Variants in PLXNA2 observed in about 807,000 individuals in gnomAD.
PLXNA2 encodes the protein plexin A2.
A neutral mutation model predicts 193.5 loss-of-function variants in PLXNA2; 91 were observed. That is an observed-to-expected ratio of 0.47 (90% CI 0.40 to 0.56). The LOEUF is 0.56. Among genes scored for constraint, PLXNA2 ranks in the 20% least tolerant of loss-of-function variants. The pLI is 0.00. For synonymous variants in PLXNA2, 997 were observed against 1,027.3 expected (o/e 0.97, Z 0.56); for missense variants, 1,995 against 2,503.2 (o/e 0.80, Z 4.33).
rs187221360 is a variant in PLXNA2, at chr1:208,234,236, G to A, written c.-81+9407C>T. On this transcript the variant is annotated intron_variant, in intron 1 of 31. Coordinates refer to ENST00000367033, the MANE Select transcript of PLXNA2 (RefSeq NM_025179.4). The stretch of plus-strand genomic sequence containing the variant: ...ATACACTTACCCAGTTTGGACTTGG[G>A]TTTCACATCCACTGTGTGGGCCCGG... Among the ~76,000 whole-genome samples, 19 of 152,256 alleles carry A rather than the reference G, an allele frequency of 1.2e-4. No homozygotes were observed. In the East Asian group the frequency reaches 3.7e-3, roughly 29 times the overall value.
Position 208,098,960 on chromosome 1 carries a change from G to A in PLXNA2, c.1617C>T (p.Arg539=), listed in dbSNP as rs758540212. 38 of 1,611,972 alleles carry A rather than the reference G, an allele frequency of 2.4e-5. No individual in the cohort carries two copies. The highest frequency in any genetic ancestry group is 3.7e-4 in the Middle Eastern group (2 of 5,428). The part of the protein sequence containing the change: ...GWCALHNMCS[R]RDKCQQAWEP... ...CCCAGGCCTGTTGGCATTTGTCCCT[G>A]CGGGAGCACCTGCCATAAACACAGA... The change falls in exon 6 of 32, where the codon CGC becomes CGT. Residue 539 remains arginine, a synonymous_variant. Transcript: ENST00000367033.
intron 3 of PLXNA2, among the ~76,000 whole-genome samples, chr1:208,156,937 C>T (rs754916332): frequency 1.3e-5 from 2 of 152,182 alleles, no homozygotes; most frequent in Non-Finnish European, 2.9e-5. Flanking sequence ...TTTGTTACTC[C>T]ATAAGAATAA....
chr1:208,084,327 C>A, intron 10 of PLXNA2, 53 bp downstream of exon 10: 1 of 1,581,404 alleles, frequency 6.3e-7, no homozygotes, highest in South Asian at 1.1e-5. Context: ...GGCCCCAGCA[C>A]GAGTGTGAGA....
Position 208,044,950 on chromosome 1 carries a change from G to C in PLXNA2, c.3639+117C>G, listed in dbSNP as rs1333003172. 3.2e-6 allele frequency: 4 copies of C among 1,245,532 alleles called. No individual in the cohort carries two copies. The highest frequency in any genetic ancestry group is 4.6e-6 in the Non-Finnish European group (4 of 863,864). 77.2% of individuals were successfully genotyped at this position (1,245,532 alleles called of 1,614,324 possible). A position where few individuals can be genotyped will look rare whatever the true frequency, so the allele number is the denominator to read the frequency against. On this transcript the variant is annotated intron_variant, in intron 19 of 31. Transcript: ENST00000367033. The surrounding 1 kb of genome is among the most constrained non-coding windows in gnomAD (Gnocchi z 4.9). ...CCAATTTGATGTAGGACCCAGAGAT[G>C]AGGAGATATGGAGGGGGTGAGTCAG...
chr1:208,066,815 G>A (rs1189169645), intron 12 of PLXNA2, among the ~76,000 whole-genome samples: 7 of 152,292 alleles, frequency 4.6e-5, no homozygotes, highest in Admixed American at 1.3e-4. Flanking sequence ...GGAAGACAGT[G>A]ATATGGATGA....
At chr1:208,172,716 G>GAGGGC (rs1669532127) in intron 3 of PLXNA2, among the ~76,000 whole-genome samples, 1 of 152,230 alleles carries the variant, frequency 6.6e-6, no homozygotes, top group African/African-American at 2.4e-5. Flanking sequence ...TGGCAGAAGG[G>GAGGGC]AGGGCTGAGA....
At chr1:208,063,900 C>G (rs1665696999) in intron 12 of PLXNA2, among the ~76,000 whole-genome samples, 1 of 152,174 alleles carries the variant, frequency 6.6e-6, no homozygotes, top group African/African-American at 2.4e-5. Context: ...CTCTCCTGAG[C>G]TCCACAGCCA....
rs139151743 is a variant in PLXNA2 at position 208,082,449 on chromosome 1, G to A, written c.2358C>T (p.Asn786=). 4.6e-5 allele frequency: 74 copies of A among 1,613,940 alleles called. No individual in the cohort carries two copies. In the African/African-American group the frequency reaches 5.3e-4, roughly 12 times the overall value. Residue 786 remains asparagine (N), a synonymous_variant, in exon 11 of 32, where the codon AAC becomes AAT. Coordinates refer to ENST00000367033, the MANE Select transcript of PLXNA2 (RefSeq NM_025179.4). This position sits in a 1 kb window ranked among gnomAD's most constrained non-coding sequence, Gnocchi z 4.2. ...NLAVDFAVVW[N]GNFIIDNPQD... Reference sequence around the variant, plus strand: ...GAGGGTTGTCAATGATGAAATTGCCGTTCCACACCACAGCGAAATCCACGG... The same window carrying A: ...GAGGGTTGTCAATGATGAAATTGCCATTCCACACCACAGCGAAATCCACGG...
In PLXNA2 at chr1:208,141,003, T is replaced by C. The variant is rs148524561; in HGVS notation, c.1506+1326A>G. Reference sequence around the variant, plus strand: ...TCAGTGTTTATTTCCAAGACTGTCTTACCCACTCTAGGTTAGGCAAAGCTG... The same window carrying C: ...TCAGTGTTTATTTCCAAGACTGTCTCACCCACTCTAGGTTAGGCAAAGCTG... On this transcript the variant is annotated intron_variant, in intron 4 of 31. Coordinates refer to ENST00000367033, the MANE Select transcript of PLXNA2 (RefSeq NM_025179.4). Among the ~76,000 whole-genome samples the C allele has an allele frequency of 1.6e-3, 248 of 152,298 alleles. 1 individual carries two copies. Among genetic ancestry groups the C allele is most frequent in the South Asian group, 0.014 (70 of 4,830 alleles).
chr1:208,039,488 T>G (rs1020179500), intron 24 of PLXNA2, 133 bp downstream of exon 24: 1 of 1,243,598 alleles, frequency 8.0e-7, no homozygotes, highest in Non-Finnish European at 1.1e-6. Context: ...CACTTAGTTG[T>G]CCTTTGGGCT....
chr1:208,168,724 G>GTTTTTTTTT (rs10668701), intron 3 of PLXNA2, among the ~76,000 whole-genome samples: 4 of 73,190 alleles, frequency 5.5e-5, no homozygotes, highest in Admixed American at 1.8e-4. Flanking sequence ...AGTATGCGGG[G>GTTTTTTTTT]TTTTTTTTTT....
chr1:208,164,165 G>C (rs1250351495), intron 3 of PLXNA2, among the ~76,000 whole-genome samples: 1 of 152,210 alleles, frequency 6.6e-6, no homozygotes, highest in African/African-American at 2.4e-5. Context: ...TTTGGTTAGG[G>C]GACACCTTTA....
intron 17 of PLXNA2, 37 bp from the exon 18 acceptor site, chr1:208,046,154 G>C (rs376035089): frequency 1.6e-5 from 25 of 1,593,640 alleles, no homozygotes; most frequent in Non-Finnish European, 2.1e-5. Context: ...CACACGGAGT[G>C]CCTGGCACAG....
chr1:208,135,166 G>C (rs1206307541), intron 4 of PLXNA2, among the ~76,000 whole-genome samples: 1 of 151,942 alleles, frequency 6.6e-6, no homozygotes. Flanking sequence ...TTAGGGGGTG[G>C]TGGGGGGTCT....
chr1:208,147,704 C>T (rs1355702756), intron 3 of PLXNA2, among the ~76,000 whole-genome samples: 2 of 152,136 alleles, frequency 1.3e-5, no homozygotes, highest in Non-Finnish European at 1.5e-5. Context: ...TGGAGAGTGG[C>T]GTAACTGAGA....
In PLXNA2 at chr1:208,106,143, G is replaced by C. The variant is rs114921525; in HGVS notation, c.1507-2896C>G. On this transcript the variant is annotated intron_variant, in intron 4 of 31. Transcript: ENST00000367033. ...AACTTGTAAGTTGGCAGGGGTGGAG[G>C]GGGGGTGGTCTAAAACTTGAATTAT... Among the ~76,000 whole-genome samples the C allele has an allele frequency of 8.3e-3, 1,257 of 151,848 alleles. 24 individuals carry two copies. Among genetic ancestry groups the C allele is most frequent in the Admixed American group, 0.03 (457 of 15,242 alleles).
At chr1:208,058,563 CG>C in intron 13 of PLXNA2, among the ~76,000 whole-genome samples, 2 of 152,260 alleles carry the variant, frequency 1.3e-5, no homozygotes, top group East Asian at 3.9e-4. Context: ...TCTGAAACCT[CG>C]GGAGTGGTAA....
At chr1:208,096,158 G>C in intron 7 of PLXNA2, 33 bp from the exon 8 acceptor site, 1 of 1,542,990 alleles carries the variant, frequency 6.5e-7, no homozygotes, top group Non-Finnish European at 9.0e-7. Context: ...ATGGGGTTGG[G>C]TAACAACGTG....
At chr1:208,218,334 A>G (rs961664766) in intron 1 of PLXNA2, among the ~76,000 whole-genome samples, 1 of 152,064 alleles carries the variant, frequency 6.6e-6, no homozygotes, top group Non-Finnish European at 1.5e-5. Flanking sequence ...AGTCAATTTG[A>G]TATTAGGACT....
Sources: allele counts gnomAD v4.1 joint callset (sites outside exome capture counted in the v4.1 genomes callset), GRCh38; gene constraint gnomAD v4.1.1; non-coding constraint Gnocchi (gnomAD v3.1); transcripts MANE v1.5; gene names NCBI Gene and HGNC (gene_info 2026-07-23, HGNC 2026-07-21).